C8orf34: variants seen among roughly 807,000 people sequenced by gnomAD.
C8orf34 encodes the protein chromosome 8 open reading frame 34, also known as uncharacterized protein C8orf34.
In C8orf34, 65 loss-of-function variants were observed where a neutral mutation model predicts 68.3. That is an observed-to-expected ratio of 0.95 (90% CI 0.78 to 1.17). The LOEUF (loss-of-function observed/expected upper bound fraction) is 1.17. Ranked by LOEUF, C8orf34 falls within the 50% of genes most tolerant of loss-of-function variation. The pLI is 0.00. For synonymous variants in C8orf34, 244 were observed against 241.2 expected, an observed-to-expected ratio of 1.01 and a Z score of -0.11; for missense variants, 664 against 655.4, an observed-to-expected ratio of 1.01 and a Z score of -0.14.
At chr8:68,488,997 TAA>T (rs66562512) in intron 5 of C8orf34, among the ~76,000 whole-genome samples, 2 of 151,794 alleles carry the variant, frequency 1.3e-5, no homozygotes, top group South Asian at 2.1e-4. Flanking sequence ...CGTTTTTTTT[TAA>T]AATAGCAGTG....
intron 3 of C8orf34, chr8:68,448,137 A>G (rs1159741195): frequency 1.3e-5 from 2 of 152,160 alleles, no homozygotes; most frequent in Non-Finnish European, 2.9e-5. Context: ...TCTGAATTTG[A>G]CCACTTCATC....
intron 12 of C8orf34, among the ~76,000 whole-genome samples, chr8:68,809,079 C>A (rs1271556711): frequency 6.6e-6 from 1 of 152,088 alleles, no homozygotes; most frequent in African/African-American, 2.4e-5. Context: ...TAAGGTCTTG[C>A]TTCTTCCCGG....
Position 68,728,696 on chromosome 8 carries a change from GC to G in C8orf34, c.1404+7264del, listed in dbSNP as rs576100591. 1.8e-3 allele frequency among the ~76,000 whole-genome samples: 274 copies of G among 152,266 alleles called. 2 individuals carry two copies. The highest frequency in any genetic ancestry group is 5.2e-3 in the African/African-American group (215 of 41,552). On this transcript the variant is annotated intron_variant, in intron 10 of 13. Coordinates refer to ENST00000518698, the MANE Select transcript of C8orf34 (RefSeq NM_052958.4). ...CACAAGGATAGCATGGGAAAGACCA[GC>G]CCCCATGTTTCAATAACCACCCCCT...
chr8:68,631,218 T>C (rs1222569095), intron 7 of C8orf34, among the ~76,000 whole-genome samples: 1 of 151,750 alleles, frequency 6.6e-6, no homozygotes, highest in Non-Finnish European at 1.5e-5. Flanking sequence ...GCCGAGATCA[T>C]GCCACTGCAC....
intron 1 of C8orf34, among the ~76,000 whole-genome samples, chr8:68,418,568 T>C (rs1210237222): frequency 3.3e-5 from 5 of 152,154 alleles, no homozygotes; most frequent in Non-Finnish European, 7.4e-5. Flanking sequence ...GGTTTTTGTC[T>C]TTGGTTCTGT....
intron 7 of C8orf34, among the ~76,000 whole-genome samples, chr8:68,566,227 A>C (rs1227440539): frequency 6.6e-6 from 1 of 152,152 alleles, no homozygotes; most frequent in Non-Finnish European, 1.5e-5. Context: ...GTCATGTCAC[A>C]GGGCCTTGTT....
rs778441254 is a variant in C8orf34 at position 68,505,738 on chromosome 8, C to CAAA, written c.766-16044_766-16042dup. On this transcript the variant is annotated intron_variant, in intron 5 of 13. Transcript: ENST00000518698. ...GGGCGACAGAGCGAGACTCCGTCTC[C>CAAA]AAAAAAAAAAAAAAAAAAAGAATGA... Among the ~76,000 whole-genome samples the CAAA allele has an allele frequency of 8.8e-5, 6 of 68,274 alleles. 1 individual carries two copies. Among genetic ancestry groups the CAAA allele is most frequent in the South Asian group, 5.4e-4 (1 of 1,844 alleles). 44.8% of individuals were successfully genotyped at this position (68,274 alleles called of 152,430 possible). A position where few individuals can be genotyped will look rare whatever the true frequency, so the allele number is the denominator to read the frequency against.
intron 7 of C8orf34, among the ~76,000 whole-genome samples, chr8:68,638,742 T>C (rs1818919028): frequency 6.6e-6 from 1 of 151,994 alleles, no homozygotes; most frequent in Admixed American, 6.6e-5. Context: ...GTACGTACAA[T>C]ATTTCTGCCA....
chr8:68,395,077 G>C (rs948036475), intron 1 of C8orf34, among the ~76,000 whole-genome samples: 6 of 151,984 alleles, frequency 3.9e-5, no homozygotes, highest in Non-Finnish European at 8.8e-5. Context: ...TCCATACCAA[G>C]TCAAGTAACA....
intron 7 of C8orf34, among the ~76,000 whole-genome samples, chr8:68,558,480 G>C (rs946069319): frequency 6.6e-6 from 1 of 151,774 alleles, no homozygotes; most frequent in Non-Finnish European, 1.5e-5. Flanking sequence ...TAACTATATA[G>C]TTTCTTTTTT....
chr8:68,519,490 A>T (rs1035457918), intron 5 of C8orf34, among the ~76,000 whole-genome samples: 1 of 152,176 alleles, frequency 6.6e-6, no homozygotes, highest in African/African-American at 2.4e-5. Context: ...TGTTTTTGTT[A>T]TTCTCCAATA....
At chr8:68,764,238 G>T (rs1396694804) in intron 10 of C8orf34, among the ~76,000 whole-genome samples, 1 of 152,158 alleles carries the variant, frequency 6.6e-6, no homozygotes, top group Non-Finnish European at 1.5e-5. Flanking sequence ...TCTTTTTTCT[G>T]CCAAATTCTG....
chr8:68,388,048 T>G (rs1808331191), intron 1 of C8orf34, among the ~76,000 whole-genome samples: 1 of 152,286 alleles, frequency 6.6e-6, no homozygotes, highest in African/African-American at 2.4e-5. Context: ...CCTTCTGTTG[T>G]TGGTGGTAAT....
intron 1 of C8orf34, among the ~76,000 whole-genome samples, chr8:68,425,245 C>T (rs984584101): frequency 6.6e-6 from 1 of 152,112 alleles, no homozygotes. Context: ...TTCACTCTAA[C>T]CATTGCTATT....
At chr8:68,587,510 C>T (rs1586412938) in intron 7 of C8orf34, among the ~76,000 whole-genome samples, 2 of 151,870 alleles carry the variant, frequency 1.3e-5, no homozygotes, top group East Asian at 3.9e-4. Context: ...ATTTGAATGA[C>T]AGATGACAAG....
intron 5 of C8orf34, among the ~76,000 whole-genome samples, chr8:68,504,070 C>T (rs969242816): frequency 6.6e-6 from 1 of 152,166 alleles, no homozygotes; most frequent in Non-Finnish European, 1.5e-5. Context: ...CTATCCATTG[C>T]AGTTACTCTC....
chr8:68,738,737 A>C (rs1215866119), intron 10 of C8orf34, among the ~76,000 whole-genome samples: 1 of 152,156 alleles, frequency 6.6e-6, no homozygotes, highest in African/African-American at 2.4e-5. Flanking sequence ...TAAACCAAGA[A>C]GAAATTGAAT....
chr8:68,366,564 A>T (rs1000128706), intron 1 of C8orf34, among the ~76,000 whole-genome samples: 3 of 151,522 alleles, frequency 2.0e-5, no homozygotes, highest in Non-Finnish European at 4.4e-5. Flanking sequence ...AGATTAATGG[A>T]ACAGAACAGA....
At chr8:68,560,765 G>A (rs768673119) in intron 7 of C8orf34, among the ~76,000 whole-genome samples, 22 of 152,094 alleles carry the variant, frequency 1.4e-4, no homozygotes, top group African/African-American at 5.3e-4. Context: ...TAACATAGAT[G>A]GAGCTTGCAG....
Sources: gnomAD v4.1 joint callset for allele counts (sites outside exome capture counted in the v4.1 genomes callset) on GRCh38, gnomAD v4.1.1 for gene constraint, MANE v1.5 for transcripts, NCBI Gene and HGNC (gene_info 2026-07-23, HGNC 2026-07-21) for gene names.